ANKRD30BL: variants seen among roughly 807,000 people sequenced by gnomAD.
ANKRD30BL encodes the protein ankyrin repeat domain 30B like, also known as putative ankyrin repeat domain-containing protein 30B-like.
Under a neutral mutation model 18.4 loss-of-function variants are expected in ANKRD30BL, and 20 were observed. The observed-to-expected ratio is 1.09, with a 90% confidence interval of 0.77 to 1.58. The LOEUF (loss-of-function observed/expected upper bound fraction) is 1.58. Among genes scored for constraint, ANKRD30BL ranks in the 40% most tolerant of loss-of-function variants. The pLI, the probability that ANKRD30BL is intolerant of heterozygous loss-of-function variation, is 0.00. For synonymous variants in ANKRD30BL, 72 were observed against 100.9 expected, an observed-to-expected ratio of 0.71 and a Z score of 1.72; for missense variants, 224 against 268.6, an observed-to-expected ratio of 0.83 and a Z score of 1.16.
In ANKRD30BL at chr2:132,238,595, C is replaced by T. The variant is rs895466728; in HGVS notation, n.441+18934G>A. Among the ~76,000 whole-genome samples, 104 of 151,738 alleles carry T rather than the reference C, an allele frequency of 6.9e-4. 1 individual carries two copies. The highest frequency in any genetic ancestry group is 1.8e-4 in the Non-Finnish European group (12 of 67,890). On this transcript the variant is annotated intron_variant and non_coding_transcript_variant, in intron 1 of 4. Coordinates refer to the ANKRD30BL transcript ENST00000470729. ...GTGGAAACTTGGTGCTCTTTGAAGC[C>T]TATGGTGAAAAAGGAAATCTCTTCC...
intron 1 of ANKRD30BL, among the ~76,000 whole-genome samples, chr2:132,192,174 T>C (rs1206767500): frequency 6.6e-6 from 1 of 152,130 alleles, no homozygotes; most frequent in African/African-American, 2.4e-5. Context: ...CAAGAAACCC[T>C]AAGCAACATA....
chr2:132,193,727 G>A (rs1478267960), intron 1 of ANKRD30BL, among the ~76,000 whole-genome samples: 1 of 151,802 alleles, frequency 6.6e-6, no homozygotes, highest in Non-Finnish European at 1.5e-5. Context: ...TCTTTATATA[G>A]TAGTTCTTCT....
Position 132,235,366 on chromosome 2 carries a change from A to G in ANKRD30BL, n.441+22163T>C, listed in dbSNP as rs200840011. 9.1e-4 allele frequency among the ~76,000 whole-genome samples: 139 copies of G among 152,098 alleles called. 1 individual carries two copies. Among genetic ancestry groups the G allele is most frequent in the African/African-American group, 2.5e-3 (104 of 41,496 alleles). ...AACTAGGCAGGAGAAGGAAATAAAGAGTATTCAATTATGAAAAGAGGAAGT... is the reference window on the plus strand; with the variant it reads ...AACTAGGCAGGAGAAGGAAATAAAGGGTATTCAATTATGAAAAGAGGAAGT... On this transcript the variant is annotated intron_variant and non_coding_transcript_variant, in intron 1 of 4. Transcript: ENST00000470729.
chr2:132,202,203 A>C (rs553602166), intron 1 of ANKRD30BL, among the ~76,000 whole-genome samples: 351 of 152,228 alleles, frequency 2.3e-3, no homozygotes, highest in African/African-American at 8.2e-3. Context: ...ATGACGAGTT[A>C]GTGGGTGCAG....
intron 5 of ANKRD30BL, among the ~76,000 whole-genome samples, chr2:132,150,589 G>A (rs1200059864): frequency 1.3e-5 from 2 of 151,282 alleles, no homozygotes; most frequent in African/African-American, 4.9e-5. Context: ...TGACAGTTGA[G>A]GAAACATAAA....
At chr2:132,192,451 T>C (rs2104739381) in intron 1 of ANKRD30BL, among the ~76,000 whole-genome samples, 1 of 152,354 alleles carries the variant, frequency 6.6e-6, no homozygotes, top group South Asian at 2.1e-4. Flanking sequence ...GAGAATTATA[T>C]GTTGGACCTA....
chr2:132,232,741 C>A (rs1481922262), intron 1 of ANKRD30BL, among the ~76,000 whole-genome samples: 5 of 152,070 alleles, frequency 3.3e-5, no homozygotes, highest in African/African-American at 4.8e-5. Context: ...GGAGAAGGGA[C>A]CCAAGTTGGA....
intron 1 of ANKRD30BL, among the ~76,000 whole-genome samples, chr2:132,194,055 TCA>T (rs373251947): frequency 0.39 from 49,144 of 127,390 alleles, 8,380 homozygotes; most frequent in South Asian, 0.47. Flanking sequence ...TCTCTCTCTC[TCA>T]CACACACACA....
intron 1 of ANKRD30BL, among the ~76,000 whole-genome samples, chr2:132,208,608 G>A (rs187101069): frequency 0.012 from 1,752 of 152,060 alleles, 31 homozygotes; most frequent in African/African-American, 0.04. Context: ...GAAAAAGTAA[G>A]AAATTTCAGC....
At chr2:132,214,714 C>T (rs201105587) in intron 1 of ANKRD30BL, among the ~76,000 whole-genome samples, 73 of 146,660 alleles carry the variant, frequency 5.0e-4, no homozygotes, top group South Asian at 2.0e-3. Flanking sequence ...ACTTTCTTTG[C>T]GATGTGTGCA....
chr2:132,181,216 G>T (rs1393477708), intron 1 of ANKRD30BL, among the ~76,000 whole-genome samples: 3 of 152,120 alleles, frequency 2.0e-5, no homozygotes, highest in African/African-American at 7.2e-5. Flanking sequence ...GCTGATGCCT[G>T]TAATCTCAGC....
Position 132,168,106 on chromosome 2 carries a change from C to T in ANKRD30BL, n.442-10960G>A, listed in dbSNP as rs1312886499. On this transcript the variant is annotated intron_variant and non_coding_transcript_variant, in intron 1 of 4. Transcript: ENST00000470729. ...ATTTCTTGCAAGACAGGTCAGCTGA[C>T]GATGTATCACTTAAATTTTGTTTTT... Among the ~76,000 whole-genome samples, 16 of 152,186 alleles carry T rather than the reference C, an allele frequency of 1.1e-4. No individual in the cohort carries two copies. The South Asian group carries it at 1.2e-3, about 12-fold the overall frequency.
At chr2:132,220,681 G>T (rs1391582643) in intron 1 of ANKRD30BL, among the ~76,000 whole-genome samples, 1 of 152,128 alleles carries the variant, frequency 6.6e-6, no homozygotes, top group African/African-American at 2.4e-5. Context: ...TGGGGCCAAG[G>T]CTGGAGTGCA....
At chr2:132,162,653 A>T (rs1688105903), upstream of ANKRD30BL, among the ~76,000 whole-genome samples, 1 of 152,194 alleles carries the variant, frequency 6.6e-6, no homozygotes, top group Non-Finnish European at 1.5e-5. Flanking sequence ...TGCCACCTTC[A>T]AATGCCAGCT....
At chr2:132,160,677 C>T (rs569576879) in intron 1 of ANKRD30BL, among the ~76,000 whole-genome samples, 1 of 152,012 alleles carries the variant, frequency 6.6e-6, no homozygotes, top group East Asian at 1.9e-4. Flanking sequence ...ATCCACCCAC[C>T]TCGGCCTCCC....
chr2:132,218,359 G>T lies in ANKRD30BL; in HGVS notation n.441+39170C>A, dbSNP rs1408255911. On this transcript the variant is annotated intron_variant and non_coding_transcript_variant, in intron 1 of 4. Transcript: ENST00000470729. ...AGGTGTGCATTCAACTCACAGAGTT[G>T]AACATACCTTATCATAGAGCAGCTT... Among the ~76,000 whole-genome samples the T allele has an allele frequency of 2.6e-5, 4 of 152,312 alleles. No individual in the cohort carries two copies. In the East Asian group the frequency reaches 7.7e-4, roughly 29 times the overall value.
intron 1 of ANKRD30BL, among the ~76,000 whole-genome samples, chr2:132,210,558 A>G (rs1465361096): frequency 6.6e-6 from 1 of 152,018 alleles, no homozygotes; most frequent in Non-Finnish European, 1.5e-5. Context: ...AAAACTGGAC[A>G]GAAGCATTCT....
intron 1 of ANKRD30BL, among the ~76,000 whole-genome samples, chr2:132,186,094 C>T (rs1485870596): frequency 6.7e-6 from 1 of 150,250 alleles, no homozygotes; most frequent in Non-Finnish European, 1.5e-5. Flanking sequence ...TGAGCCACTG[C>T]ACTCCAACCT....
chr2:132,206,119 C>A (rs1679208079), intron 1 of ANKRD30BL, among the ~76,000 whole-genome samples: 2 of 151,804 alleles, frequency 1.3e-5, no homozygotes, highest in African/African-American at 2.4e-5. Flanking sequence ...GATGATGCCA[C>A]TGCACTCCAG....
Sources: allele counts gnomAD v4.1 joint callset (sites outside exome capture counted in the v4.1 genomes callset), GRCh38; gene constraint gnomAD v4.1.1; transcripts MANE v1.5; gene names NCBI Gene and HGNC (gene_info 2026-07-23, HGNC 2026-07-21).